NRG2: variants seen among roughly 807,000 people sequenced by gnomAD.
NRG2 encodes pro-neuregulin-2, membrane-bound isoform.
Under a neutral mutation model 73.9 loss-of-function variants are expected in NRG2, and 27 were observed. The observed-to-expected ratio is 0.37, with a 90% CI of 0.27 to 0.50. The LOEUF (loss-of-function observed/expected upper bound fraction) is 0.50. Ranked by LOEUF, NRG2 falls within the 20% of genes least tolerant of loss-of-function variation. The pLI, the probability that NRG2 is intolerant of heterozygous loss-of-function variation, is 0.96. For missense variants in NRG2, 1,126 were observed against 1,210.1 expected (o/e 0.93, Z 1.03); for synonymous variants, 532 against 541.0 (o/e 0.98, Z 0.23).
At chr5:140,038,150 A>C (rs974121680) in intron 1 of NRG2, among the ~76,000 whole-genome samples, 1 of 152,144 alleles carries the variant, frequency 6.6e-6, no homozygotes, top group Admixed American at 6.5e-5. Context: ...AAACTAATTG[A>C]TATTAGGAAA....
intron 1 of NRG2, among the ~76,000 whole-genome samples, chr5:139,939,071 C>A (rs1167392433): frequency 6.6e-6 from 1 of 151,254 alleles, no homozygotes; most frequent in Non-Finnish European, 1.5e-5. Context: ...GAAGGGAGAA[C>A]CTTGACCCTT....
chr5:139,859,948 G>T lies in NRG2; in HGVS notation c.1190-4170C>A, dbSNP rs558085924. ...AGAAGAGCGAGGGTCACAAAGGGAGGGGTGGAGGGAGAGAGACAGGTGGGT... is the reference window on the plus strand; with the variant it reads ...AGAAGAGCGAGGGTCACAAAGGGAGTGGTGGAGGGAGAGAGACAGGTGGGT... On this transcript the variant is annotated intron_variant, in intron 5 of 9. Coordinates refer to ENST00000361474, the MANE Select transcript of NRG2 (RefSeq NM_004883.3). 5 of 1,610,568 alleles carry T rather than the reference G, an allele frequency of 3.1e-6. No homozygotes were observed. In the South Asian group the frequency reaches 5.5e-5, roughly 18 times the overall value.
Position 139,877,627 on chromosome 5 carries a change from A to T in NRG2, c.991+3229T>A, listed in dbSNP as rs1300719631. On this transcript the variant is annotated intron_variant, in intron 3 of 9. Coordinates refer to ENST00000361474, the MANE Select transcript of NRG2 (RefSeq NM_004883.3). The stretch of plus-strand genomic sequence containing the variant: ...TGGCCCTGTTCACCTGTTCAAGGGT[A>T]GGCTCTTGCCTGCCATGGACTGCAC... Among the ~76,000 whole-genome samples the T allele has an allele frequency of 2.0e-5, 3 of 152,252 alleles. No homozygotes were observed. In the East Asian group the frequency reaches 5.8e-4, roughly 29 times the overall value.
At position 139,856,686 on chromosome 5, in the gene NRG2, G is replaced by A. The variant is rs1275110995; in HGVS notation, c.1190-908C>T. Among the ~76,000 whole-genome samples the A allele has an allele frequency of 6.6e-6, 1 of 152,144 alleles. No individual in the cohort carries two copies. The highest frequency in any genetic ancestry group is 2.1e-4 in the South Asian group (1 of 4,828). ...TCTTGGGCTTGCAGCATATCCTGTG[G>A]CAAAGGTGTACACACCAGGAAACAC... On this transcript the variant is annotated intron_variant, in intron 5 of 9. Transcript: ENST00000361474. This position sits in a 1 kb window ranked among gnomAD's most constrained non-coding sequence, Gnocchi z 4.2.
At chr5:140,015,271 T>C (rs975136389) in intron 1 of NRG2, among the ~76,000 whole-genome samples, 1 of 152,232 alleles carries the variant, frequency 6.6e-6, no homozygotes, top group African/African-American at 2.4e-5. Flanking sequence ...CAGAGATTTC[T>C]GTCTTCTCAA....
At chr5:139,957,307 CTGTGTGTGTGTGTGTGTGTGTGTG>C (rs70988722) in intron 1 of NRG2, among the ~76,000 whole-genome samples, 1 of 143,888 alleles carries the variant, frequency 6.9e-6, no homozygotes, top group Non-Finnish European at 1.5e-5. Flanking sequence ...TCAAGAATCT[CTGTGTGTGTGTGTGTGTGTGTGTG>C]TGTGTGTGTG....
intron 1 of NRG2, among the ~76,000 whole-genome samples, chr5:140,033,377 T>C (rs1761290131): frequency 6.6e-6 from 1 of 152,226 alleles, no homozygotes; most frequent in Non-Finnish European, 1.5e-5. Flanking sequence ...CAGAACTTGG[T>C]TCACCCCACC....
In NRG2 at chr5:139,904,497, T is replaced by A; in HGVS notation, c.701-16986A>T. The A allele has an allele frequency of 1.6e-6, 1 of 640,374 alleles. No individual in the cohort carries two copies. The allele number at this position is 640,374 out of a possible 1,614,324, so 39.7% of individuals were successfully genotyped here. A position where few individuals can be genotyped will look rare whatever the true frequency, so the allele number is the denominator to read the frequency against. ...CAGTGCCCGAGCGCGGCGCCTTTCT[T>A]ATAGGCGGTCACACCCTCCGGGGGA... On this transcript the variant is annotated intron_variant, in intron 1 of 9. Coordinates refer to ENST00000361474, the MANE Select transcript of NRG2 (RefSeq NM_004883.3). This position sits in a 1 kb window ranked among gnomAD's most constrained non-coding sequence, Gnocchi z 6.0.
chr5:139,865,559 A>C lies in NRG2; in HGVS notation c.1179T>G (p.Asp393Glu). The change falls in exon 5 of 10, where the codon GAT becomes GAG. Residue 393 changes from aspartate (D) to glutamate (E), a missense_variant. Asp to Glu is a conservative substitution (Grantham distance 45). Coordinates refer to ENST00000361474, the MANE Select transcript of NRG2 (RefSeq NM_004883.3). This position sits in a 1 kb window ranked among gnomAD's most constrained non-coding sequence, Gnocchi z 5.2. Reference sequence around the variant, plus strand: ...TATCTTCAAACATACTTTGCTTAGGATCTGGCATGTACAATCGCAAAGGCA... The same window carrying C: ...TATCTTCAAACATACTTTGCTTAGGCTCTGGCATGTACAATCGCAAAGGCA... Reference protein sequence around the residue: ...EKLPLRLYMPDPKQKAEELYQ... With the variant: ...EKLPLRLYMPEPKQKAEELYQ... 6.2e-7 allele frequency: 1 copy of C among 1,612,474 alleles called. No homozygotes were observed. The highest frequency in any genetic ancestry group is 8.5e-7 in the Non-Finnish European group (1 of 1,179,394).
At chr5:139,923,546 AG>A (rs1751836001) in intron 1 of NRG2, among the ~76,000 whole-genome samples, 2 of 152,160 alleles carry the variant, frequency 1.3e-5, no homozygotes, top group Non-Finnish European at 2.9e-5. Flanking sequence ...TCTGGAGCCT[AG>A]TTTCCTTCTC....
chr5:140,042,813 C>T lies in NRG2; in HGVS notation c.257G>A (p.Arg86Gln), dbSNP rs1371422695. ...CCTCATGCCGCCGGCGGCTGCGGCTCGCGAACGGGCGGCGGCTCTCCGGGC... is the reference window on the plus strand; with the variant it reads ...CCTCATGCCGCCGGCGGCTGCGGCTTGCGAACGGGCGGCGGCTCTCCGGGC... ...PAARRAAARS[R>Q]AAAAGGMRRD... The change falls in exon 1 of 10, where the codon CGA becomes CAA. Residue 86 changes from arginine (R) to glutamine (Q), a missense_variant. Arg to Gln is a conservative substitution (Grantham distance 43, BLOSUM62 1). Transcript: ENST00000361474. The T allele has an allele frequency of 8.0e-6, 12 of 1,493,302 alleles. No homozygotes were observed. Among genetic ancestry groups the T allele is most frequent in the Non-Finnish European group, 1.1e-5 (12 of 1,124,746 alleles). The allele number at this position is 1,493,302 out of a possible 1,614,324, so 92.5% of individuals were successfully genotyped here.
intron 5 of NRG2, among the ~76,000 whole-genome samples, chr5:139,864,458 A>G (rs1299137764): frequency 1.3e-5 from 2 of 151,104 alleles, no homozygotes; most frequent in East Asian, 3.9e-4. Context: ...GGAAGGGAAT[A>G]AAATCCTAGA....
chr5:139,913,115 C>T (rs748252907), intron 1 of NRG2, among the ~76,000 whole-genome samples: 85 of 152,210 alleles, frequency 5.6e-4, no homozygotes, highest in Non-Finnish European at 1.0e-3. Context: ...ACACACAGGA[C>T]CTCAGGAGCT....
At position 140,019,087 on chromosome 5, in the gene NRG2, T is replaced by C. The variant is rs148253558; in HGVS notation, c.700+23283A>G. On this transcript the variant is annotated intron_variant, in intron 1 of 9. Transcript: ENST00000361474. ...TAGCAGGCTGCCTATAATAAGCAAATGACATAAGAAAAATAAACACAGCTC... is the reference window on the plus strand; with the variant it reads ...TAGCAGGCTGCCTATAATAAGCAAACGACATAAGAAAAATAAACACAGCTC... Among the ~76,000 whole-genome samples, 23 of 152,048 alleles carry C rather than the reference T, an allele frequency of 1.5e-4. No homozygotes were observed. The East Asian group carries it at 4.4e-3, about 29-fold the overall frequency.
chr5:140,024,144 C>T (rs1760473516), intron 1 of NRG2, among the ~76,000 whole-genome samples: 1 of 152,124 alleles, frequency 6.6e-6, no homozygotes, highest in South Asian at 2.1e-4. Flanking sequence ...CTGGGCAGGG[C>T]AGAGGGACGA....
chr5:139,935,366 C>T (rs139661183), intron 1 of NRG2, among the ~76,000 whole-genome samples: 416 of 152,252 alleles, frequency 2.7e-3, no homozygotes, highest in Non-Finnish European at 4.8e-3. Context: ...TATTAACCAA[C>T]TTGACCTAAT....
intron 1 of NRG2, among the ~76,000 whole-genome samples, chr5:139,998,698 A>ATT (rs1212042998): frequency 6.6e-6 from 1 of 152,174 alleles, no homozygotes; most frequent in Non-Finnish European, 1.5e-5. Flanking sequence ...AAAAATTATG[A>ATT]GCTTAGAATT....
chr5:139,892,547 C>G (rs891140512), intron 1 of NRG2, among the ~76,000 whole-genome samples: 1 of 152,072 alleles, frequency 6.6e-6, no homozygotes, highest in East Asian at 1.9e-4. Flanking sequence ...TGGGCTAGAT[C>G]GGCCCCTCAC....
At chr5:139,939,550 C>A (rs1753231720) in intron 1 of NRG2, among the ~76,000 whole-genome samples, 1 of 152,062 alleles carries the variant, frequency 6.6e-6, no homozygotes, top group Non-Finnish European at 1.5e-5. Context: ...GCTGGGATTA[C>A]AGGTATGAGT....
Sources: allele counts gnomAD v4.1 joint callset (sites outside exome capture counted in the v4.1 genomes callset), GRCh38; gene constraint gnomAD v4.1.1; non-coding constraint Gnocchi (gnomAD v3.1); transcripts MANE v1.5; gene names NCBI Gene and HGNC (gene_info 2026-07-23, HGNC 2026-07-21).